TMEM145: variants seen among roughly 807,000 people sequenced by gnomAD.
The protein encoded by TMEM145 is transmembrane protein 145.
TMEM145 carries 46 observed loss-of-function variants against 68.5 expected under a neutral mutation model. The observed-to-expected ratio is 0.67, with a 90% CI of 0.53 to 0.86. The LOEUF is 0.86. Ranked by LOEUF, TMEM145 falls within the 40% of genes least tolerant of loss-of-function variation. The probability of loss-of-function intolerance (pLI) is 0.00; values close to 1 mark genes in which losing one functional copy is unlikely to be tolerated. For synonymous variants in TMEM145, 255 were observed against 280.2 expected (o/e 0.91, Z 0.90); for missense variants, 570 against 645.8 (o/e 0.88, Z 1.27).
At position 42,317,831 on chromosome 19, in the gene TMEM145, T is replaced by G; in HGVS notation, c.1023T>G (p.Phe341Leu). ...CTGTGCTTGTCTCACTGCGACACTT[T>G]CCTGAGAAGCAGCCTTTTTATGTGC... Reference protein sequence around the residue: ...CYAVLVSLRHFPEKQPFYVPF... With the variant: ...CYAVLVSLRHLPEKQPFYVPF... Residue 341 changes from phenylalanine to leucine, a missense_variant, in exon 12 of 15, where the codon TTT (phenylalanine) becomes TTG (leucine). Transcript: ENST00000301204. 1 of 1,614,200 alleles carries G rather than the reference T, an allele frequency of 6.2e-7. No individual in the cohort carries two copies. The highest frequency in any genetic ancestry group is 8.5e-7 in the Non-Finnish European group (1 of 1,180,036).
intron 13 of TMEM145, among the ~76,000 whole-genome samples, chr19:42,320,750 C>T (rs2038903580): frequency 6.6e-6 from 1 of 152,038 alleles, no homozygotes; most frequent in Non-Finnish European, 1.5e-5. Context: ...GCCTCAGCCT[C>T]CCGAGTAGCT....
rs1237993496 is a variant in TMEM145 at position 42,314,335 on chromosome 19, C to T, written c.184C>T (p.Arg62Cys). Residue 62 changes from arginine to cysteine, a missense_variant, in exon 2 of 15, where the codon CGC (arginine) becomes TGC (cysteine). Arg to Cys is a radical substitution (Grantham distance 180, BLOSUM62 -3). Coordinates refer to ENST00000301204, the MANE Select transcript of TMEM145 (RefSeq NM_173633.3). Reference sequence around the variant, plus strand: ...TTACGGCCGACTGGACTTCCGTTTCCGCTACCCTGAGGTGAGTCTCCCCCA... The same window carrying T: ...TTACGGCCGACTGGACTTCCGTTTCTGCTACCCTGAGGTGAGTCTCCCCCA... ...SDYGRLDFRF[R>C]YPEAKCCQNI... 19 of 1,613,954 alleles carry T rather than the reference C, an allele frequency of 1.2e-5. No homozygotes were observed. The highest frequency in any genetic ancestry group is 1.6e-4 in the Middle Eastern group (1 of 6,084).
Position 42,317,920 on chromosome 19 carries a change from C to T in TMEM145, c.1073+39C>T, listed in dbSNP as rs752212958. 5 of 1,610,540 alleles carry T rather than the reference C, an allele frequency of 3.1e-6. No homozygotes were observed. The Admixed American group carries it at 8.3e-5, about 27-fold the overall frequency. ...GGCCCCAGCCTGTCCCTGCCTCCCT[C>T]TCGGGGCTCCCCAGAAGTGGTTGCC... On this transcript the variant is annotated intron_variant, in intron 12 of 14. Coordinates refer to ENST00000301204, the MANE Select transcript of TMEM145 (RefSeq NM_173633.3).
At chr19:42,324,360 C>T in intron 14 of TMEM145, 1 of 985,334 alleles carries the variant, frequency 1.0e-6, no homozygotes, top group Non-Finnish European at 1.2e-6. Flanking sequence ...GAGCCGGGCG[C>T]AGCCTCCCCC....
chr19:42,315,291 GAT>G (rs2038845151), intron 7 of TMEM145, 32 bp downstream of exon 7: 3 of 1,613,720 alleles, frequency 1.9e-6, no homozygotes, highest in Non-Finnish European at 2.5e-6. Flanking sequence ...TGGGGGAAGA[GAT>G]AGGAGGGAGC....
chr19:42,321,227 CTTTTTT>C, intron 13 of TMEM145: 1 of 375,538 alleles, frequency 2.7e-6, no homozygotes, highest in Non-Finnish European at 4.6e-6. Context: ...AGCACCACAT[CTTTTTT>C]TTTTTTTTTT....
Position 42,325,025 on chromosome 19 carries a change from C to T in TMEM145, c.*208C>T. ...TCCCTGGCAGAAAGACATTTTACCC[C>T]TTCTTGCCAAAATAAAAAAGGATTC... On this transcript the variant is annotated 3_prime_UTR_variant, in exon 15 of 15. Coordinates refer to ENST00000301204, the MANE Select transcript of TMEM145 (RefSeq NM_173633.3). The T allele has an allele frequency of 1.4e-6, 1 of 729,040 alleles. No homozygotes were observed. 45.2% of individuals were successfully genotyped at this position (729,040 alleles called of 1,614,324 possible).
At chr19:42,314,768 T>G in intron 4 of TMEM145, 24 bp from the exon 5 acceptor site, 2 of 1,614,180 alleles carry the variant, frequency 1.2e-6, no homozygotes, top group Non-Finnish European at 1.7e-6. Context: ...AAGGACAGGC[T>G]TCAGCCTTCT....
intron 12 of TMEM145, among the ~76,000 whole-genome samples, chr19:42,318,194 C>T (rs760922038): frequency 1.5e-4 from 22 of 151,514 alleles, no homozygotes; most frequent in Admixed American, 5.9e-4. Flanking sequence ...GGTGAAACCC[C>T]GTCTCTACTA....
At chr19:42,317,082 C>A in intron 11 of TMEM145, 119 bp downstream of exon 11, 1 of 815,514 alleles carries the variant, frequency 1.2e-6, no homozygotes. Flanking sequence ...CTCTCTCTCC[C>A]ACTCTTCGAT....
chr19:42,320,629 TTC>T (rs1463319489), intron 13 of TMEM145, among the ~76,000 whole-genome samples, 192 bp downstream of exon 13: 1 of 151,952 alleles, frequency 6.6e-6, no homozygotes, highest in Non-Finnish European at 1.5e-5. Flanking sequence ...GTCCATTTTC[TTC>T]TCTTTTTTTT....
Position 42,313,588 on chromosome 19 carries a change from C to T in TMEM145, c.120+92C>T. On this transcript the variant is annotated intron_variant, in intron 1 of 14. Transcript: ENST00000301204. The surrounding 1 kb of genome is among the most constrained non-coding windows in gnomAD (Gnocchi z 5.1). ...CGGGTACCGCCTCGCCCCCTGCCGC[C>T]CCTCCTGGCGGACTCCGGGAGCCTC... 1 of 1,040,986 alleles carries T rather than the reference C, an allele frequency of 9.6e-7. No individual in the cohort carries two copies. The allele number at this position is 1,040,986 out of a possible 1,614,324, so 64.5% of individuals were successfully genotyped here.
chr19:42,313,543 C>A lies in TMEM145; in HGVS notation c.120+47C>A. The A allele has an allele frequency of 3.2e-6, 4 of 1,243,456 alleles. No individual in the cohort carries two copies. In the South Asian group the frequency reaches 1.4e-4, roughly 44 times the overall value. The allele number at this position is 1,243,456 out of a possible 1,614,324, so 77.0% of individuals were successfully genotyped here. A position where few individuals can be genotyped will look rare whatever the true frequency, so the allele number is the denominator to read the frequency against. On this transcript the variant is annotated intron_variant, in intron 1 of 14. Coordinates refer to ENST00000301204, the MANE Select transcript of TMEM145 (RefSeq NM_173633.3). The surrounding 1 kb of genome is among the most constrained non-coding windows in gnomAD (Gnocchi z 5.1). Reference sequence around the variant, plus strand: ...CTGCGGCCCGCCGGCCCCCGGGGGACGCAAGGGAGGCGAGGGGAGCGGGTA... The same window carrying A: ...CTGCGGCCCGCCGGCCCCCGGGGGAAGCAAGGGAGGCGAGGGGAGCGGGTA...
chr19:42,320,938 T>A lies in TMEM145; in HGVS notation c.1194+501T>A, dbSNP rs2038905540. The A allele has an allele frequency of 2.3e-5, 9 of 397,730 alleles. No homozygotes were observed. In the East Asian group the frequency reaches 3.2e-4, roughly 14 times the overall value. The allele number at this position is 397,730 out of a possible 1,614,324, so 24.6% of individuals were successfully genotyped here. On this transcript the variant is annotated intron_variant, in intron 13 of 14. Coordinates refer to ENST00000301204, the MANE Select transcript of TMEM145 (RefSeq NM_173633.3). ...GCCACCTCGCCGGGCCCATGCCCAT[T>A]TTCTTCTGTTCCCCTCTCCAACTTT...
Position 42,324,754 on chromosome 19 carries a change from G to A in TMEM145, c.1419G>A (p.Ala473=). 6.4e-7 allele frequency: 1 copy of A among 1,554,266 alleles called. No individual in the cohort carries two copies. The change falls in exon 15 of 15, where the codon GCG becomes GCA. Residue 473 remains alanine (A), a synonymous_variant. Transcript: ENST00000301204. ...TCCCTCAGCCCCTGCCCCGAGCGGC[G>A]CCGGATTCTGGGCTCCCGCTGTTCC... The part of the protein sequence containing the change: ...PPATSPLPRA[A]PDSGLPLFRD...
intron 3 of TMEM145, 40 bp downstream of exon 3, chr19:42,314,568 G>A: frequency 6.2e-7 from 1 of 1,614,168 alleles, no homozygotes; most frequent in Non-Finnish European, 8.5e-7. Context: ...GAGGGGAGAA[G>A]GTCGTTGCTG....
rs1044277321 is a variant in TMEM145, at chr19:42,313,344, AGCCGGAGCGGAGCCGGG to A, written c.-22_-6del. On this transcript the variant is annotated 5_prime_UTR_variant, in exon 1 of 15. Coordinates refer to ENST00000301204, the MANE Select transcript of TMEM145 (RefSeq NM_173633.3). This position sits in a 1 kb window ranked among gnomAD's most constrained non-coding sequence, Gnocchi z 5.1. ...GCCTCCATTGCCGGGCCAGTGCGGGAGCCGGAGCGGAGCCGGGGCCGGAGCGGGCGGAATGGAGCCCC... is the reference window on the plus strand; with the variant it reads ...GCCTCCATTGCCGGGCCAGTGCGGGAGCCGGAGCGGGCGGAATGGAGCCCC... 1.9e-5 allele frequency: 17 copies of A among 898,996 alleles called. No homozygotes were observed. Among genetic ancestry groups the A allele is most frequent in the Non-Finnish European group, 2.3e-5 (16 of 681,198 alleles). The allele number at this position is 898,996 out of a possible 1,614,324, so 55.7% of individuals were successfully genotyped here.
At chr19:42,324,698 C>T (rs996514165) in intron 14 of TMEM145, 39 bp from the exon 15 acceptor site, 2 of 1,073,206 alleles carry the variant, frequency 1.9e-6, no homozygotes, top group African/African-American at 3.7e-5. Context: ...CTGTGCCAAA[C>T]GGTCCCGCGG....
intron 14 of TMEM145, chr19:42,324,311 G>A (rs1568550821): frequency 1.0e-6 from 1 of 985,292 alleles, no homozygotes; most frequent in Non-Finnish European, 1.2e-6. Context: ...AGCGGTGGCG[G>A]CGGCGGTGGC....
Sources: allele counts gnomAD v4.1 joint callset (sites outside exome capture counted in the v4.1 genomes callset), GRCh38; gene constraint gnomAD v4.1.1; non-coding constraint Gnocchi (gnomAD v3.1); transcripts MANE v1.5; gene names NCBI Gene and HGNC (gene_info 2026-07-23, HGNC 2026-07-21).